The following BRIP1 variants were observed in gnomAD, a reference collection of about 807,000 sequenced individuals.
BRIP1 encodes the protein BRCA1 interacting DNA helicase 1.
BRIP1 carries 88 observed loss-of-function variants against 119.7 expected under a neutral mutation model. The observed-to-expected ratio is 0.74, with a 90% CI of 0.62 to 0.88. The LOEUF (loss-of-function observed/expected upper bound fraction) is 0.88, where lower values mean the gene tolerates loss of function less well. Among genes scored for constraint, BRIP1 ranks in the 40% least tolerant of loss-of-function variants. The pLI, the probability that BRIP1 is intolerant of heterozygous loss-of-function variation, is 0.00. For synonymous variants in BRIP1, 443 were observed against 496.5 expected, an observed-to-expected ratio of 0.89 and a Z score of 1.43; for missense variants, 1,259 against 1,455.4, an observed-to-expected ratio of 0.87 and a Z score of 2.20.
At position 61,795,052 on chromosome 17, in the gene BRIP1, A is replaced by G. The variant is rs142654020; in HGVS notation, c.1341-1323T>C. The stretch of plus-strand genomic sequence containing the variant: ...CAGAAATCAGTCATCTTGAGTCATC[A>G]TAAGAAATCTGAATTTATTCAAAGG... On this transcript the variant is annotated intron_variant, in intron 9 of 19. Coordinates refer to ENST00000259008, the MANE Select transcript of BRIP1 (RefSeq NM_032043.3). This position sits in a 1 kb window ranked among gnomAD's most constrained non-coding sequence, Gnocchi z 5.6. Among the ~76,000 whole-genome samples, 99 of 152,234 alleles carry G rather than the reference A, an allele frequency of 6.5e-4. No homozygotes were observed. In the East Asian group the frequency reaches 9.1e-3, roughly 14 times the overall value.
rs1015395014 is a variant in BRIP1, at chr17:61,720,583, A to G, written c.2380-4520T>C. 2.6e-5 allele frequency among the ~76,000 whole-genome samples: 4 copies of G among 152,298 alleles called. No individual in the cohort carries two copies. The highest frequency in any genetic ancestry group is 3.9e-4 in the East Asian group (2 of 5,170). On this transcript the variant is annotated intron_variant, in intron 16 of 19. Coordinates refer to ENST00000259008, the MANE Select transcript of BRIP1 (RefSeq NM_032043.3). The surrounding 1 kb of genome is among the most constrained non-coding windows in gnomAD (Gnocchi z 4.3). ...ATGTTTTAAATTGCCCACTGTTCTG[A>G]GTAGCATGATGACATCTCATGCTAT...
In BRIP1 at chr17:61,861,488, G is replaced by C. The variant is rs1555618724; in HGVS notation, c.52C>G (p.Pro18Ala). ...AGCTGTGACGGGTAAGCTTTATAAG[G>C]AAAGTAAATCTTCACCCCACCAATT... ...YTIGGVKIYF[P>A]YKAYPSQLAM... The change falls in exon 2 of 20, where the codon CCT becomes GCT. Residue 18 changes from proline (P) to alanine (A), a missense_variant. Physicochemically the swap from Pro to Ala is conservative, Grantham distance 27. Around this residue, in one of 3 missense-constraint regions of BRIP1, gnomAD observed 501 missense variants for 544.0 expected, o/e 0.92. Coordinates refer to ENST00000259008, the MANE Select transcript of BRIP1 (RefSeq NM_032043.3). The surrounding 1 kb of genome is among the most constrained non-coding windows in gnomAD (Gnocchi z 4.5). 2.5e-6 allele frequency: 4 copies of C among 1,613,424 alleles called. No homozygotes were observed. The highest frequency in any genetic ancestry group is 1.3e-5 in the African/African-American group (1 of 74,984).
At position 61,751,236 on chromosome 17, in the gene BRIP1, A is replaced by G. The variant is rs376333270; in HGVS notation, c.2098-6645T>C. Among the ~76,000 whole-genome samples the G allele has an allele frequency of 1.1e-4, 16 of 152,366 alleles. No homozygotes were observed. The highest frequency in any genetic ancestry group is 3.8e-4 in the African/African-American group (16 of 41,588). On this transcript the variant is annotated intron_variant, in intron 14 of 19. Coordinates refer to ENST00000259008, the MANE Select transcript of BRIP1 (RefSeq NM_032043.3). This position sits in a 1 kb window ranked among gnomAD's most constrained non-coding sequence, Gnocchi z 6.7. ...GCCACTGTATTTTTGTACACAAAGT[A>G]CAAATATTATATGATTTCACTTATA... is the stretch of plus-strand genomic sequence containing the variant.
At chr17:61,749,745 T>TTG (rs2077107927) in intron 14 of BRIP1, among the ~76,000 whole-genome samples, 5 of 152,208 alleles carry the variant, frequency 3.3e-5, no homozygotes, top group African/African-American at 1.2e-4. Context: ...GGTTTCAATA[T>TTG]ACAAGTCTTT....
rs1017741018 is a variant in BRIP1, at chr17:61,681,107, C to T, written c.*2189G>A. On this transcript the variant is annotated 3_prime_UTR_variant, in exon 20 of 20. Coordinates refer to ENST00000259008, the MANE Select transcript of BRIP1 (RefSeq NM_032043.3). The surrounding 1 kb of genome is among the most constrained non-coding windows in gnomAD (Gnocchi z 5.1). ...CATAAGAACTCAGTATCACGAGAAC[C>T]GCATGAGGGTAACCGCCCCCACGAT... is the stretch of plus-strand genomic sequence containing the variant. Among the ~76,000 whole-genome samples, 4 of 152,024 alleles carry T rather than the reference C, an allele frequency of 2.6e-5. No individual in the cohort carries two copies. Among genetic ancestry groups the T allele is most frequent in the Non-Finnish European group, 4.4e-5 (3 of 68,006 alleles).
At chr17:61,781,361 G>C (rs1283973961) in intron 11 of BRIP1, among the ~76,000 whole-genome samples, 1 of 152,136 alleles carries the variant, frequency 6.6e-6, no homozygotes, top group Non-Finnish European at 1.5e-5. Flanking sequence ...TCTACTACAT[G>C]ATGAGTTACA....
chr17:61,797,361 A>G (rs2077916680), intron 9 of BRIP1, among the ~76,000 whole-genome samples: 1 of 152,044 alleles, frequency 6.6e-6, no homozygotes, highest in Non-Finnish European at 1.5e-5. Context: ...AAGCTAAGAC[A>G]AAAATGCTTT....
rs545892200 is a variant in BRIP1 at position 61,781,067 on chromosome 17, T to C, written c.1629-62A>G. On this transcript the variant is annotated intron_variant, in intron 11 of 19. Transcript: ENST00000259008. ...TTTTAAAACCTATGACCCAGCTACA[T>C]ACAATATAAAAACTGATTACATTAA... 7.9e-6 allele frequency: 12 copies of C among 1,512,236 alleles called. No individual in the cohort carries two copies. The Admixed American group carries it at 1.7e-4, about 21-fold the overall frequency. 93.7% of individuals were successfully genotyped at this position (1,512,236 alleles called of 1,614,324 possible).
Position 61,861,345 on chromosome 17 carries a change from C to A in BRIP1, c.93+102G>T. On this transcript the variant is annotated intron_variant, in intron 2 of 19. Coordinates refer to ENST00000259008, the MANE Select transcript of BRIP1 (RefSeq NM_032043.3). This position sits in a 1 kb window ranked among gnomAD's most constrained non-coding sequence, Gnocchi z 4.5. Reference sequence around the variant, plus strand: ...CTTCCAAGTGAACCCAGAAAATATTCTCCATTTACTGAGAATATGAATGCA... The same window carrying A: ...CTTCCAAGTGAACCCAGAAAATATTATCCATTTACTGAGAATATGAATGCA... The A allele has an allele frequency of 1.2e-6, 1 of 812,102 alleles. No homozygotes were observed. Among genetic ancestry groups the A allele is most frequent in the Non-Finnish European group, 2.1e-6 (1 of 477,142 alleles). 50.3% of individuals were successfully genotyped at this position (812,102 alleles called of 1,614,324 possible). A position where few individuals can be genotyped will look rare whatever the true frequency, so the allele number is the denominator to read the frequency against.
intron 10 of BRIP1, among the ~76,000 whole-genome samples, chr17:61,784,643 A>G (rs1224942415): frequency 6.6e-6 from 1 of 152,194 alleles, no homozygotes; most frequent in Non-Finnish European, 1.5e-5. Context: ...ATGGGGGTAG[A>G]TACCTCATGA....
Position 61,804,410 on chromosome 17 carries a change from ATG to A in BRIP1, c.919-2938_919-2937del, listed in dbSNP as rs71153405. 0.017 allele frequency among the ~76,000 whole-genome samples: 2,087 copies of A among 125,364 alleles called. 28 individuals are homozygous for A. Among genetic ancestry groups the A allele is most frequent in the Middle Eastern group, 0.023 (6 of 262 alleles). The allele number at this position is 125,364 out of a possible 152,430, so 82.2% of individuals were successfully genotyped here. ...AAGACTTTGAGGCAGCTATATACAT[ATG>A]TGTGTGTGTGTGTGTGTGTGTGTGT... On this transcript the variant is annotated intron_variant, in intron 7 of 19. Transcript: ENST00000259008. This position sits in a 1 kb window ranked among gnomAD's most constrained non-coding sequence, Gnocchi z 4.5.
In BRIP1 at chr17:61,706,268, A is replaced by G. The variant is rs1463180085; in HGVS notation, c.2492+9683T>C. Among the ~76,000 whole-genome samples, 2 of 152,050 alleles carry G rather than the reference A, an allele frequency of 1.3e-5. No homozygotes were observed. Among genetic ancestry groups the G allele is most frequent in the Non-Finnish European group, 2.9e-5 (2 of 67,978 alleles). ...TTTTGAATTCTGGTCTCCTTTCTTA[A>G]TCTACCTGCTAGTGTTGACTTTTCA... On this transcript the variant is annotated intron_variant, in intron 17 of 19. Coordinates refer to ENST00000259008, the MANE Select transcript of BRIP1 (RefSeq NM_032043.3). This position sits in a 1 kb window ranked among gnomAD's most constrained non-coding sequence, Gnocchi z 5.7.
At position 61,861,806 on chromosome 17, in the gene BRIP1, C is replaced by T. The variant is rs529107955; in HGVS notation, c.-30-237G>A. ...CTGCCAGGTATTAGTTGTGTGACTT[C>T]GGGAAAGTTAGTTACCTTCTCTAAG... On this transcript the variant is annotated intron_variant, in intron 1 of 19. Transcript: ENST00000259008. The surrounding 1 kb of genome is among the most constrained non-coding windows in gnomAD (Gnocchi z 4.5). 7.6e-6 allele frequency: 4 copies of T among 523,312 alleles called. No individual in the cohort carries two copies. Among genetic ancestry groups the T allele is most frequent in the South Asian group, 6.2e-5 (3 of 48,168 alleles). The allele number at this position is 523,312 out of a possible 1,614,324, so 32.4% of individuals were successfully genotyped here.
rs1426422891 is a variant in BRIP1 at position 61,738,582 on chromosome 17, A to C, written c.2379+4431T>G. ...CCATCAGGTGTCTTTTTTGCATGAC[A>C]GACTGAGATATTGTCTAGGAAGAAT... On this transcript the variant is annotated intron_variant, in intron 16 of 19. Coordinates refer to ENST00000259008, the MANE Select transcript of BRIP1 (RefSeq NM_032043.3). This position sits in a 1 kb window ranked among gnomAD's most constrained non-coding sequence, Gnocchi z 4.2. Among the ~76,000 whole-genome samples the C allele has an allele frequency of 6.6e-6, 1 of 152,182 alleles. No individual in the cohort carries two copies. The highest frequency in any genetic ancestry group is 2.1e-4 in the South Asian group (1 of 4,820).
rs2076768700 is a variant in BRIP1 at position 61,726,582 on chromosome 17, T to A, written c.2380-10519A>T. 6.6e-6 allele frequency among the ~76,000 whole-genome samples: 1 copy of A among 152,216 alleles called. No homozygotes were observed. Among genetic ancestry groups the A allele is most frequent in the South Asian group, 2.1e-4 (1 of 4,820 alleles). ...AACTTTAGGTGACTTAAAAAGTAAGTTTCTTGGGTTCTTGGAGTGGCTACT... is the reference window on the plus strand; with the variant it reads ...AACTTTAGGTGACTTAAAAAGTAAGATTCTTGGGTTCTTGGAGTGGCTACT... On this transcript the variant is annotated intron_variant, in intron 16 of 19. Transcript: ENST00000259008. The surrounding 1 kb of genome is among the most constrained non-coding windows in gnomAD (Gnocchi z 6.2).
Position 61,793,314 on chromosome 17 carries a change from G to A in BRIP1, c.1473+283C>T, listed in dbSNP as rs1300287042. 6.6e-6 allele frequency among the ~76,000 whole-genome samples: 1 copy of A among 151,902 alleles called. No individual in the cohort carries two copies. Among genetic ancestry groups the A allele is most frequent in the African/African-American group, 2.4e-5 (1 of 41,360 alleles). On this transcript the variant is annotated intron_variant, in intron 10 of 19. Transcript: ENST00000259008. This position sits in a 1 kb window ranked among gnomAD's most constrained non-coding sequence, Gnocchi z 5.2. ...AATTTTAACTTTTACAATTGACTAA[G>A]TAAGTCTACAACCTAAAAATATTGA... is the stretch of plus-strand genomic sequence containing the variant.
Position 61,823,858 on chromosome 17 carries a change from C to T in BRIP1, c.628-15101G>A, listed in dbSNP as rs796267925. 3.3e-5 allele frequency among the ~76,000 whole-genome samples: 5 copies of T among 151,052 alleles called. No homozygotes were observed. The highest frequency in any genetic ancestry group is 7.3e-5 in the African/African-American group (3 of 41,200). ...AATTTTTTTTTTTGAGACGGAGTTT[C>T]GCAGTTGTTGCCCAAAGTGATCTCA... is the stretch of plus-strand genomic sequence containing the variant. On this transcript the variant is annotated intron_variant, in intron 6 of 19. Coordinates refer to ENST00000259008, the MANE Select transcript of BRIP1 (RefSeq NM_032043.3). This position sits in a 1 kb window ranked among gnomAD's most constrained non-coding sequence, Gnocchi z 4.8.
chr17:61,710,623 A>C lies in BRIP1; in HGVS notation c.2492+5328T>G, dbSNP rs140339695. Among the ~76,000 whole-genome samples, 848 of 152,324 alleles carry C rather than the reference A, an allele frequency of 5.6e-3. 6 individuals are homozygous for C. Among genetic ancestry groups the C allele is most frequent in the Middle Eastern group, 0.01 (3 of 294 alleles). On this transcript the variant is annotated intron_variant, in intron 17 of 19. Coordinates refer to ENST00000259008, the MANE Select transcript of BRIP1 (RefSeq NM_032043.3). The surrounding 1 kb of genome is among the most constrained non-coding windows in gnomAD (Gnocchi z 5.4). ...AGAATATAGCATGTTTGATAGTTTA[A>C]TACTGACATACTTATGTTTAATAGT...
In BRIP1 at chr17:61,856,931, C is replaced by G. The variant is rs2078902992; in HGVS notation, c.379+127G>C. 1.1e-6 allele frequency: 1 copy of G among 947,568 alleles called. No individual in the cohort carries two copies. Among genetic ancestry groups the G allele is most frequent in the African/African-American group, 1.6e-5 (1 of 60,810 alleles). The allele number at this position is 947,568 out of a possible 1,614,324, so 58.7% of individuals were successfully genotyped here. A position where few individuals can be genotyped will look rare whatever the true frequency, so the allele number is the denominator to read the frequency against. On this transcript the variant is annotated intron_variant, in intron 4 of 19. Transcript: ENST00000259008. This position sits in a 1 kb window ranked among gnomAD's most constrained non-coding sequence, Gnocchi z 5.1. ...CACTCTGTGCTATTTTAAAATCATT[C>G]CAGAGAAACTAGATAGAGATATATA...
Sources: allele counts gnomAD v4.1 joint callset (sites outside exome capture counted in the v4.1 genomes callset), GRCh38; gene constraint gnomAD v4.1.1; regional missense constraint gnomAD v4.1.1; non-coding constraint Gnocchi (gnomAD v3.1); transcripts MANE v1.5; gene names NCBI Gene and HGNC (gene_info 2026-07-23, HGNC 2026-07-21).